ACTR2: variants seen among roughly 807,000 people sequenced by gnomAD.
The protein encoded by ACTR2 is actin-related protein 2.
In ACTR2, 5 loss-of-function variants were observed where a neutral mutation model predicts 50.2. The observed-to-expected ratio is 0.10, with a 90% confidence interval of 0.05 to 0.21. ACTR2 has a LOEUF of 0.21. Ranked by LOEUF, ACTR2 falls within the 10% of genes least tolerant of loss-of-function variation. The pLI is 1.00. For synonymous variants in ACTR2, 140 were observed against 162.9 expected, an observed-to-expected ratio of 0.86 and a Z score of 1.07; for missense variants, 180 against 480.6, an observed-to-expected ratio of 0.37 and a Z score of 5.85.
intron 8 of ACTR2, among the ~76,000 whole-genome samples, chr2:65,268,019 A>T (rs956743822): frequency 6.6e-5 from 10 of 151,296 alleles, no homozygotes; most frequent in Admixed American, 1.3e-4. Context: ...TTGTATTTTT[A>T]GTAGAGACGG....
intron 4 of ACTR2, among the ~76,000 whole-genome samples, chr2:65,251,584 C>T (rs1337077957): frequency 6.6e-6 from 1 of 152,144 alleles, no homozygotes; most frequent in African/African-American, 2.4e-5. Flanking sequence ...TGGTCTCAAA[C>T]TCCTGACCTC....
At chr2:65,264,486 G>C (rs1672335759) in intron 7 of ACTR2, among the ~76,000 whole-genome samples, 2 of 152,112 alleles carry the variant, frequency 1.3e-5, no homozygotes, top group Non-Finnish European at 2.9e-5. Context: ...TGGATTTTCT[G>C]ATCTCATAGA....
rs561078894 is a variant in ACTR2, at chr2:65,248,167, C to T, written c.375+1428C>T. 6.6e-5 allele frequency among the ~76,000 whole-genome samples: 10 copies of T among 152,096 alleles called. No homozygotes were observed. In the East Asian group the frequency reaches 9.7e-4, roughly 15 times the overall value. ...TGTAATCCCAGCACTTCTGGGAGGC[C>T]GAGGTGGGCGGATCACGAGGTCAAG... On this transcript the variant is annotated intron_variant, in intron 3 of 8. Transcript: ENST00000260641.
At chr2:65,252,026 G>A (rs1220660363) in intron 4 of ACTR2, among the ~76,000 whole-genome samples, 1 of 152,074 alleles carries the variant, frequency 6.6e-6, no homozygotes. Flanking sequence ...CACTTCAGGG[G>A]ATAATCCAGT....
chr2:65,265,416 AAC>A (rs1672352252), intron 8 of ACTR2, among the ~76,000 whole-genome samples: 2 of 152,360 alleles, frequency 1.3e-5, no homozygotes, highest in South Asian at 4.1e-4. Flanking sequence ...CATCTGTAAC[AAC>A]CAGCACGGAC....
chr2:65,255,992 T>C (rs1672142798), intron 6 of ACTR2, among the ~76,000 whole-genome samples: 1 of 152,226 alleles, frequency 6.6e-6, no homozygotes, highest in African/African-American at 2.4e-5. Flanking sequence ...ATGTATGTTT[T>C]ACAGAACTTT....
chr2:65,232,170 T>G (rs1395324207), intron 1 of ACTR2, among the ~76,000 whole-genome samples: 1 of 152,162 alleles, frequency 6.6e-6, no homozygotes, highest in Non-Finnish European at 1.5e-5. Flanking sequence ...AAACTCTAGG[T>G]TTAGGTCCTC....
In ACTR2 at chr2:65,264,991, T is replaced by TA. The variant is rs1438589883; in HGVS notation, c.882-51dup. 7.5e-6 allele frequency: 12 copies of TA among 1,604,872 alleles called. No homozygotes were observed. The East Asian group carries it at 2.7e-4, about 36-fold the overall frequency. On this transcript the variant is annotated intron_variant, in intron 7 of 8. Coordinates refer to ENST00000260641, the MANE Select transcript of ACTR2 (RefSeq NM_005722.4). ...GACATAAGTAACAGTAACCCTGAGA[T>TA]ACCATTTTCCTAACCTAAAACTCCA...
At chr2:65,237,417 A>AT (rs1160194603) in intron 1 of ACTR2, among the ~76,000 whole-genome samples, 3 of 150,124 alleles carry the variant, frequency 2.0e-5, no homozygotes, top group Non-Finnish European at 4.5e-5. Context: ...ATTTTTTGTA[A>AT]TTTTTTCCGG....
At chr2:65,238,273 G>A (rs1156539171) in intron 1 of ACTR2, among the ~76,000 whole-genome samples, 2 of 152,086 alleles carry the variant, frequency 1.3e-5, no homozygotes, top group African/African-American at 4.8e-5. Context: ...TGTATAAAAT[G>A]GAAGTCTTAT....
At position 65,248,987 on chromosome 2, in the gene ACTR2, T is replaced by A. The variant is rs551011535; in HGVS notation, c.376-2040T>A. Among the ~76,000 whole-genome samples, 3 of 151,862 alleles carry A rather than the reference T, an allele frequency of 2.0e-5. No individual in the cohort carries two copies. In the South Asian group the frequency reaches 6.2e-4, roughly 32 times the overall value. The stretch of plus-strand genomic sequence containing the variant: ...GAGATCACCCCACTGCACTCCAACC[T>A]GAGCGACAGAGCGAGACTCTGTCTC... On this transcript the variant is annotated intron_variant, in intron 3 of 8. Transcript: ENST00000260641.
intron 5 of ACTR2, among the ~76,000 whole-genome samples, chr2:65,254,581 C>T (rs1226955995): frequency 1.3e-5 from 2 of 152,184 alleles, no homozygotes; most frequent in African/African-American, 2.4e-5. Flanking sequence ...CAGTGGTTCT[C>T]ACCAGGGGAC....
intron 6 of ACTR2, among the ~76,000 whole-genome samples, chr2:65,258,707 G>T (rs150679623): frequency 1.3e-5 from 2 of 152,138 alleles, no homozygotes; most frequent in African/African-American, 4.8e-5. Flanking sequence ...GACAAATACA[G>T]AACAGGATAA....
In ACTR2 at chr2:65,251,061, A is replaced by T. The variant is rs934506972; in HGVS notation, c.410A>T (p.Tyr137Phe). 1 of 1,609,106 alleles carries T rather than the reference A, an allele frequency of 6.2e-7. No individual in the cohort carries two copies. The highest frequency in any genetic ancestry group is 1.3e-5 in the African/African-American group (1 of 74,686). ...MFETYQFSGVYVAIQAVLTLY... is the reference protein window; with the variant it reads ...MFETYQFSGVFVAIQAVLTLY... ...GAAACTTACCAGTTTTCCGGTGTAT[A>T]TGTAGCCATCCAGGCAGTTCTGACT... The change falls in exon 4 of 9, where the codon TAT becomes TTT. Residue 137 changes from tyrosine to phenylalanine, a missense_variant. Transcript: ENST00000260641.
At chr2:65,249,278 T>C (rs1185989753) in intron 3 of ACTR2, among the ~76,000 whole-genome samples, 2 of 152,222 alleles carry the variant, frequency 1.3e-5, no homozygotes, top group East Asian at 3.8e-4. Context: ...TGTTAGTATT[T>C]TTAAAGCCTG....
intron 8 of ACTR2, among the ~76,000 whole-genome samples, chr2:65,267,675 A>C (rs764916474): frequency 3.9e-5 from 6 of 151,936 alleles, no homozygotes; most frequent in Non-Finnish European, 5.9e-5. Context: ...TACTGTGTTC[A>C]TTTTCTCATA....
chr2:65,230,019 G>C (rs1239027151), intron 1 of ACTR2, among the ~76,000 whole-genome samples: 2 of 152,164 alleles, frequency 1.3e-5, no homozygotes, highest in Non-Finnish European at 2.9e-5. Flanking sequence ...AGTGAGGGAA[G>C]ATGGAGAGGA....
chr2:65,256,430 T>G (rs188894956), intron 6 of ACTR2, among the ~76,000 whole-genome samples: 206 of 152,320 alleles, frequency 1.4e-3, no homozygotes, highest in Middle Eastern at 0.01. Context: ...GAGTATAAAG[T>G]ACTTCCAGGT....
chr2:65,239,778 T>C, intron 1 of ACTR2, 74 bp from the exon 2 acceptor site: 1 of 959,872 alleles, frequency 1.0e-6, no homozygotes, highest in Admixed American at 1.9e-5. Context: ...CAAAGTGATA[T>C]TTTTCAGATG....
Sources: allele counts gnomAD v4.1 joint callset (sites outside exome capture counted in the v4.1 genomes callset), GRCh38; gene constraint gnomAD v4.1.1; transcripts MANE v1.5; gene names NCBI Gene and HGNC (gene_info 2026-07-23, HGNC 2026-07-21).